Variants in TRPC5 observed in about 807,000 individuals in gnomAD.
The protein encoded by TRPC5 is transient receptor potential cation channel subfamily C member 5.
Under a neutral mutation model 56.5 loss-of-function variants are expected in TRPC5, and 9 were observed. That is an observed-to-expected ratio of 0.16 (90% confidence interval 0.10 to 0.28). The LOEUF (loss-of-function observed/expected upper bound fraction) is 0.28. TRPC5 is among the 10% of genes least tolerant of loss of function. The pLI is 1.00. For synonymous variants in TRPC5, 282 were observed against 278.5 expected, an observed-to-expected ratio of 1.01 and a Z score of -0.13; for missense variants, 469 against 748.9, an observed-to-expected ratio of 0.63 and a Z score of 4.36.
chrX:111,781,329 G>C (rs1005364711), intron 8 of TRPC5, 123 bp from the exon 9 acceptor site: 1 of 576,625 alleles, frequency 1.7e-6, no homozygotes, highest in Non-Finnish European at 2.8e-6. Flanking sequence ...GCTCCTGCCT[G>C]ACAAATCCCC....
intron 6 of TRPC5, among the ~76,000 whole-genome samples, chrX:111,837,359 C>T (rs1329146736): frequency 9.0e-6 from 1 of 111,556 alleles, no homozygotes; most frequent in Non-Finnish European, 1.9e-5. Context: ...TATTAGATAC[C>T]AGAAATCAGG....
At chrX:111,973,415 A>G (rs1927835364) in intron 1 of TRPC5, among the ~76,000 whole-genome samples, 1 of 112,311 alleles carries the variant, frequency 8.9e-6, no homozygotes, top group Non-Finnish European at 1.9e-5. Flanking sequence ...TTTAGTAATG[A>G]ATTTTTAATG....
At position 111,781,991 on chromosome X, in the gene TRPC5, A is replaced by C. The variant is rs1275052666; in HGVS notation, c.2044T>G (p.Cys682Gly). The change falls in exon 8 of 11, where the codon TGC becomes GGC. Residue 682 changes from cysteine to glycine, a missense_variant. This residue lies in a region of TRPC5 where 194 missense variants were observed against 221.8 expected (regional missense o/e 0.87). Coordinates refer to ENST00000262839, the MANE Select transcript of TRPC5 (RefSeq NM_012471.3). ...YLGNWFNNTF[C>G]PKRDPDGRRR... ...CTACCGTCAGGGTCTCTTTTGGGGCAGAAGGTGTTGTTGAACCAGTTACCA... is the reference window on the plus strand; with the variant it reads ...CTACCGTCAGGGTCTCTTTTGGGGCCGAAGGTGTTGTTGAACCAGTTACCA... 2.5e-6 allele frequency: 3 copies of C among 1,210,983 alleles called. No individual in the cohort carries two copies. The highest frequency in any genetic ancestry group is 3.4e-6 in the Non-Finnish European group (3 of 894,927).
chrX:112,014,315 A>G (rs1376641372), intron 1 of TRPC5, among the ~76,000 whole-genome samples: 1 of 112,676 alleles, frequency 8.9e-6, no homozygotes, highest in Non-Finnish European at 1.9e-5. Flanking sequence ...GTGCAGAAAT[A>G]GCTTCCAGAT....
chrX:112,017,857 C>G (rs1929169092), intron 1 of TRPC5, among the ~76,000 whole-genome samples: 1 of 112,221 alleles, frequency 8.9e-6, no homozygotes, highest in South Asian at 3.7e-4. Flanking sequence ...TAAACTAGTA[C>G]AGTAGCTATG....
rs1009787471 is a variant in TRPC5 at position 112,043,722 on chromosome X, A to G, written c.-22+38157T>C. Among the ~76,000 whole-genome samples, 14 of 110,362 alleles carry G rather than the reference A, an allele frequency of 1.3e-4. No individual in the cohort carries two copies. In the Admixed American group the frequency reaches 1.4e-3, roughly 11 times the overall value. ...CTTGCCTACTATTTCCTCATTCTTTAAGTCCTTTCCCTGAAAACTTAGAGA... is the reference window on the plus strand; with the variant it reads ...CTTGCCTACTATTTCCTCATTCTTTGAGTCCTTTCCCTGAAAACTTAGAGA... On this transcript the variant is annotated intron_variant, in intron 1 of 10. Coordinates refer to ENST00000262839, the MANE Select transcript of TRPC5 (RefSeq NM_012471.3).
intron 1 of TRPC5, among the ~76,000 whole-genome samples, chrX:111,954,790 A>G (rs2148639787): frequency 8.9e-6 from 1 of 111,874 alleles, no homozygotes; most frequent in African/African-American, 3.2e-5. Flanking sequence ...TGTGGGGGGA[A>G]GCAGAAGAAT....
chrX:111,853,197 T>A (rs1923133180), intron 4 of TRPC5, among the ~76,000 whole-genome samples: 1 of 111,312 alleles, frequency 9.0e-6, no homozygotes. Context: ...ACAGTTTGAG[T>A]AGCAAGGACT....
At chrX:111,877,752 C>T (rs1924021868) in intron 3 of TRPC5, among the ~76,000 whole-genome samples, 1 of 110,818 alleles carries the variant, frequency 9.0e-6, no homozygotes, top group Non-Finnish European at 1.9e-5. Context: ...TAAGAGGAAA[C>T]GGTGAGAGAG....
At chrX:111,872,750 A>G (rs1304314541) in intron 3 of TRPC5, among the ~76,000 whole-genome samples, 1 of 111,105 alleles carries the variant, frequency 9.0e-6, no homozygotes, top group Non-Finnish European at 1.9e-5. Context: ...TAAACATATG[A>G]AAAAAAAATG....
At chrX:111,990,822 G>T (rs1412676419) in intron 1 of TRPC5, among the ~76,000 whole-genome samples, 4 of 111,723 alleles carry the variant, frequency 3.6e-5, no homozygotes, top group Non-Finnish European at 7.5e-5. Flanking sequence ...TCCCACCATG[G>T]CATACTTCCA....
At chrX:112,038,982 G>A (rs143093906) in intron 1 of TRPC5, among the ~76,000 whole-genome samples, 100 of 108,846 alleles carry the variant, frequency 9.2e-4, no homozygotes, top group Admixed American at 2.4e-3. Flanking sequence ...GAGCCACCGC[G>A]CCCAGCCTAT....
rs1433067690 is a variant in TRPC5 at position 111,773,809 on chromosome X, C to T, written c.*2504G>A. Among the ~76,000 whole-genome samples, 1 of 111,433 alleles carries T rather than the reference C, an allele frequency of 9.0e-6. No homozygotes were observed. The highest frequency in any genetic ancestry group is 2.8e-4 in the East Asian group (1 of 3,577). On this transcript the variant is annotated 3_prime_UTR_variant, in exon 11 of 11. Coordinates refer to ENST00000262839, the MANE Select transcript of TRPC5 (RefSeq NM_012471.3). The stretch of plus-strand genomic sequence containing the variant: ...ACTCTCAAGTTGGCTTATAACTCCT[C>T]TGGGGTCAGAGGATATACCTAAGCA...
rs2239003 is a variant in TRPC5 at position 111,849,345 on chromosome X, G to C, written c.1378-1909C>G. On this transcript the variant is annotated intron_variant, in intron 5 of 10. Transcript: ENST00000262839. ...TATGTATGTGCAGGGAATAAACATGGAGCTCATCTAGCATAGAGGTTGGCA... is the reference window on the plus strand; with the variant it reads ...TATGTATGTGCAGGGAATAAACATGCAGCTCATCTAGCATAGAGGTTGGCA... Among the ~76,000 whole-genome samples, 314 of 112,503 alleles carry C rather than the reference G, an allele frequency of 2.8e-3. 3 individuals carry two copies. In the East Asian group the frequency reaches 0.056, roughly 20 times the overall value.
chrX:111,778,108 G>A (rs2148547526), intron 10 of TRPC5, among the ~76,000 whole-genome samples: 1 of 110,340 alleles, frequency 9.1e-6, no homozygotes, highest in African/African-American at 3.3e-5. Flanking sequence ...ATGTGTTCAT[G>A]GACACTGGGA....
In TRPC5 at chrX:112,080,395, TACACACACACACACAC is replaced by T. The variant is rs201063739; in HGVS notation, c.-22+1468_-22+1483del. ...TGATTGAGGTCCTTGAAAAACTACA[TACACACACACACACAC>T]ACACACACACACACACACACACACA... On this transcript the variant is annotated intron_variant, in intron 1 of 10. Transcript: ENST00000262839. Among the ~76,000 whole-genome samples the T allele has an allele frequency of 1.5e-3, 119 of 79,171 alleles. No individual in the cohort carries two copies. In the East Asian group the frequency reaches 0.042, roughly 28 times the overall value. The allele number at this position is 79,171 out of a possible 115,157, so 68.8% of individuals were successfully genotyped here.
intron 7 of TRPC5, among the ~76,000 whole-genome samples, chrX:111,801,126 T>C (rs1022714387): frequency 1.8e-5 from 2 of 112,309 alleles, no homozygotes; most frequent in African/African-American, 6.5e-5. Context: ...TTTTGAACAT[T>C]TCATATAAAT....
chrX:111,966,821 G>A (rs1474684909), intron 1 of TRPC5, among the ~76,000 whole-genome samples: 1 of 112,028 alleles, frequency 8.9e-6, no homozygotes, highest in Admixed American at 9.5e-5. Context: ...GTATTGATGG[G>A]ACGTATCTCA....
chrX:111,944,404 T>C (rs894338092), intron 2 of TRPC5, among the ~76,000 whole-genome samples: 4 of 109,666 alleles, frequency 3.6e-5, no homozygotes, highest in African/African-American at 1.3e-4. Context: ...GGGTCTGTTT[T>C]GCATCTGAGT....
Sources: allele counts gnomAD v4.1 joint callset (sites outside exome capture counted in the v4.1 genomes callset), GRCh38; gene constraint gnomAD v4.1.1; regional missense constraint gnomAD v4.1.1; transcripts MANE v1.5; gene names NCBI Gene and HGNC (gene_info 2026-07-23, HGNC 2026-07-21).